The following ARAP2 variants were observed in gnomAD, a reference collection of about 807,000 sequenced individuals.
ARAP2 encodes the protein arf-GAP with Rho-GAP domain, ANK repeat and PH domain-containing protein 2.
In ARAP2, 148 loss-of-function variants were observed where a neutral mutation model predicts 194.5. The ratio of observed to expected loss-of-function variants is 0.76; its 90% confidence interval spans 0.67 to 0.87. ARAP2 has a LOEUF of 0.87. ARAP2 is among the 40% of genes least tolerant of loss of function. The probability of loss-of-function intolerance (pLI) is 0.00; values close to 1 mark genes in which losing one functional copy is unlikely to be tolerated. For synonymous variants in ARAP2, 695 were observed against 683.5 expected, an observed-to-expected ratio of 1.02 and a Z score of -0.26; for missense variants, 2,128 against 1,989.7, an observed-to-expected ratio of 1.07 and a Z score of -1.32.
intron 9 of ARAP2, 112 bp downstream of exon 9, chr4:36,177,715 C>T: frequency 8.9e-7 from 1 of 1,117,380 alleles, no homozygotes; most frequent in South Asian, 2.1e-5. Context: ...GTGGAGTACA[C>T]AATGCTAAAA....
chr4:36,189,681 C>T (rs1019994420), intron 7 of ARAP2, among the ~76,000 whole-genome samples: 9 of 152,212 alleles, frequency 5.9e-5, no homozygotes, highest in African/African-American at 1.9e-4. Flanking sequence ...CTGTTCCTGC[C>T]GTATTTCACT....
downstream of ARAP2, among the ~76,000 whole-genome samples, chr4:36,061,382 C>T (rs1560341117): frequency 6.6e-6 from 1 of 152,196 alleles, no homozygotes; most frequent in African/African-American, 2.4e-5. Flanking sequence ...CCTCTGGCTG[C>T]CATCCTTCTG....
rs576291654 is a variant in ARAP2 at position 36,184,466 on chromosome 4, C to T, written c.1678+2985G>A. Among the ~76,000 whole-genome samples the T allele has an allele frequency of 9.2e-5, 14 of 152,158 alleles. No homozygotes were observed. In the East Asian group the frequency reaches 1.7e-3, roughly 19 times the overall value. On this transcript the variant is annotated intron_variant, in intron 8 of 32. Coordinates refer to ENST00000303965, the MANE Select transcript of ARAP2 (RefSeq NM_015230.4). ...AAAGACCTACAACTTATTTTAAAAACGAAAAATTTATACTGAAGTTAATGA... is the reference window on the plus strand; with the variant it reads ...AAAGACCTACAACTTATTTTAAAAATGAAAAATTTATACTGAAGTTAATGA...
At chr4:36,199,361 T>C (rs1282467063) in intron 6 of ARAP2, among the ~76,000 whole-genome samples, 1 of 152,222 alleles carries the variant, frequency 6.6e-6, no homozygotes. Context: ...GCACAATCTC[T>C]GCTCACTGCA....
chr4:36,107,987 T>G (rs1433454396), intron 26 of ARAP2, among the ~76,000 whole-genome samples: 2 of 151,944 alleles, frequency 1.3e-5, no homozygotes, highest in Admixed American at 6.6e-5. Flanking sequence ...AATCTCAGAA[T>G]TCTACCTTTT....
Position 36,160,637 on chromosome 4 carries a change from A to G in ARAP2, c.2264T>C (p.Phe755Ser). ...TGCTCTTTTGTTTCCAATGACAATA[A>G]AAAGCTGAATTGTCAAAAAAAAAAC... ...SIWSNELIEL[F>S]IVIGNKRAND... The change falls in exon 13 of 33, where the codon TTT (phenylalanine) becomes TCT (serine). Residue 755 changes from phenylalanine to serine, a missense_variant. Transcript: ENST00000303965. 1 of 1,421,288 alleles carries G rather than the reference A, an allele frequency of 7.0e-7. No individual in the cohort carries two copies. Among genetic ancestry groups the G allele is most frequent in the Non-Finnish European group, 9.1e-7 (1 of 1,100,400 alleles). The allele number at this position is 1,421,288 out of a possible 1,614,324, so 88.0% of individuals were successfully genotyped here.
At chr4:36,172,681 G>T (rs1437415371) in intron 9 of ARAP2, among the ~76,000 whole-genome samples, 1 of 152,086 alleles carries the variant, frequency 6.6e-6, no homozygotes, top group Non-Finnish European at 1.5e-5. Context: ...AATAGGGAAG[G>T]GTTTGTTAAC....
chr4:36,213,163 T>G (rs1747135094), intron 4 of ARAP2, 80 bp downstream of exon 4: 4 of 1,076,470 alleles, frequency 3.7e-6, no homozygotes, highest in Non-Finnish European at 5.6e-6. Context: ...TCAAATAGCT[T>G]GGAGAAAAAT....
chr4:36,107,509 C>A, intron 27 of ARAP2, 56 bp downstream of exon 27: 2 of 1,544,206 alleles, frequency 1.3e-6, no homozygotes, highest in Non-Finnish European at 1.8e-6. Flanking sequence ...ATATTAATTA[C>A]CCTTTAACCA....
chr4:36,082,949 A>G (rs1729923042), intron 29 of ARAP2, among the ~76,000 whole-genome samples: 1 of 152,136 alleles, frequency 6.6e-6, no homozygotes, highest in Non-Finnish European at 1.5e-5. Context: ...CAGAGCCAGA[A>G]CCAAAACATT....
intron 1 of ARAP2, among the ~76,000 whole-genome samples, chr4:36,230,024 A>T (rs999931507): frequency 6.6e-6 from 1 of 152,210 alleles, no homozygotes; most frequent in Non-Finnish European, 1.5e-5. Flanking sequence ...GGGTTTTTTT[A>T]AAGTATTAGA....
chr4:36,052,733 G>A (rs1488770001), intron 2 of ARAP2, among the ~76,000 whole-genome samples: 1 of 152,260 alleles, frequency 6.6e-6, no homozygotes, highest in African/African-American at 2.4e-5. Flanking sequence ...GGGAGGCCGA[G>A]GCGGGCGGAT....
chr4:36,172,317 A>C (rs1458609396), intron 9 of ARAP2, among the ~76,000 whole-genome samples: 1 of 152,116 alleles, frequency 6.6e-6, no homozygotes, highest in Admixed American at 6.6e-5. Context: ...GTTTATGTAG[A>C]CCTCAGTTTC....
At chr4:36,096,166 C>T (rs1715142990) in intron 27 of ARAP2, among the ~76,000 whole-genome samples, 1 of 151,814 alleles carries the variant, frequency 6.6e-6, no homozygotes, top group Admixed American at 6.6e-5. Flanking sequence ...GAGCTTGAGA[C>T]CAGCCTGGCT....
At chr4:36,167,327 A>G (rs1329269798) in intron 9 of ARAP2, among the ~76,000 whole-genome samples, 1 of 151,962 alleles carries the variant, frequency 6.6e-6, no homozygotes, top group African/African-American at 2.4e-5. Context: ...CACAATATTC[A>G]CCCTTATCCA....
At chr4:36,147,811 T>C in intron 17 of ARAP2, 65 bp from the exon 18 acceptor site, 2 of 1,276,260 alleles carry the variant, frequency 1.6e-6, no homozygotes, top group Non-Finnish European at 2.1e-6. Flanking sequence ...CCCTATCTAC[T>C]GATATGAGAG....
At chr4:36,106,709 T>C (rs1169128756) in intron 27 of ARAP2, among the ~76,000 whole-genome samples, 3 of 151,996 alleles carry the variant, frequency 2.0e-5, no homozygotes, top group Non-Finnish European at 4.4e-5. Context: ...ATTACTTAAG[T>C]TCTCTGAGTT....
chr4:36,136,926 G>A lies in ARAP2; in HGVS notation c.3264-3537C>T, dbSNP rs955265332. On this transcript the variant is annotated intron_variant, in intron 19 of 32. Transcript: ENST00000303965. ...TTAGAATGGACACACACATACACGC[G>A]CGCGCGCACACACACACACACACAC... Among the ~76,000 whole-genome samples the A allele has an allele frequency of 9.8e-4, 25 of 25,570 alleles. No homozygotes were observed. The South Asian group carries it at 0.042, about 43-fold the overall frequency. The allele number at this position is 25,570 out of a possible 152,430, so 16.8% of individuals were successfully genotyped here. A position where few individuals can be genotyped will look rare whatever the true frequency, so the allele number is the denominator to read the frequency against.
At chr4:36,159,529 A>C (rs1430000766) in intron 13 of ARAP2, 24 bp from the exon 14 acceptor site, 2 of 1,469,914 alleles carry the variant, frequency 1.4e-6, no homozygotes, top group African/African-American at 2.9e-5. Context: ...GAAAATATAC[A>C]TCTTAAGGAA....
Sources: gnomAD v4.1 joint callset for allele counts (sites outside exome capture counted in the v4.1 genomes callset) on GRCh38, gnomAD v4.1.1 for gene constraint, MANE v1.5 for transcripts, NCBI Gene and HGNC (gene_info 2026-07-23, HGNC 2026-07-21) for gene names.